C6orf163: variants seen among roughly 807,000 people sequenced by gnomAD.
The protein encoded by C6orf163 is uncharacterized protein C6orf163.
In C6orf163, 22 loss-of-function variants were observed where a neutral mutation model predicts 28.4. That is an observed-to-expected ratio of 0.78 (90% confidence interval 0.55 to 1.11). C6orf163 has a LOEUF of 1.11. Ranked by LOEUF, C6orf163 falls within the 50% of genes least tolerant of loss-of-function variation. C6orf163 has a pLI of 0.00. For missense variants in C6orf163, 342 were observed against 389.1 expected (o/e 0.88, Z 1.02); for synonymous variants, 110 against 123.6 (o/e 0.89, Z 0.73).
In C6orf163 at chr6:87,364,968, G is replaced by C. The variant is rs114836542; in HGVS notation, c.562G>C (p.Val188Leu). 3.9e-6 allele frequency: 6 copies of C among 1,539,806 alleles called. No individual in the cohort carries two copies. In the East Asian group the frequency reaches 1.5e-4, roughly 38 times the overall value. ...EAIQAQKSKAVEEIVNTGVTV... is the reference protein window; with the variant it reads ...EAIQAQKSKALEEIVNTGVTV... ...CCATATTATCTTTTGTAGCAAAGCCGTGGAGGAAATTGTGAATACTGGTGT... is the reference window on the plus strand; with the variant it reads ...CCATATTATCTTTTGTAGCAAAGCCCTGGAGGAAATTGTGAATACTGGTGT... The change falls in exon 5 of 5, where the codon GTG becomes CTG. Residue 188 changes from valine (V) to leucine (L), a missense_variant. By Grantham distance (32) the Val-to-Leu change is conservative (BLOSUM62 1). Coordinates refer to ENST00000388923, the MANE Select transcript of C6orf163 (RefSeq NM_001010868.3).
intron 1 of C6orf163, among the ~76,000 whole-genome samples, chr6:87,346,852 A>G (rs1455810773): frequency 2.0e-5 from 3 of 152,190 alleles, no homozygotes; most frequent in South Asian, 2.1e-4. Context: ...TTTAAGACTC[A>G]CAAGTTGCAA....
chr6:87,346,006 A>G (rs1777317426), intron 1 of C6orf163, among the ~76,000 whole-genome samples: 1 of 151,508 alleles, frequency 6.6e-6, no homozygotes, highest in Admixed American at 6.6e-5. Context: ...CTGGTAGCAT[A>G]AAAGTAGATA....
chr6:87,356,909 TC>T (rs1777511639), intron 4 of C6orf163: 1 of 171,268 alleles, frequency 5.8e-6, no homozygotes, highest in Non-Finnish European at 1.3e-5. Context: ...ATCATTAAAA[TC>T]AATCTTCACA....
At chr6:87,348,698 C>T in intron 1 of C6orf163, 114 bp from the exon 2 acceptor site, 1 of 1,447,080 alleles carries the variant, frequency 6.9e-7, no homozygotes, top group South Asian at 1.5e-5. Flanking sequence ...ATACTGGCAT[C>T]TCCTAAAAGG....
At chr6:87,348,525 T>C (rs1209571397) in intron 1 of C6orf163, 1 of 1,145,948 alleles carries the variant, frequency 8.7e-7, no homozygotes, top group African/African-American at 1.6e-5. Context: ...GTGTACAAAA[T>C]ATGTCCCTTT....
intron 2 of C6orf163, among the ~76,000 whole-genome samples, chr6:87,350,157 G>A (rs201541172): frequency 2.6e-5 from 4 of 152,184 alleles, no homozygotes; most frequent in Non-Finnish European, 5.9e-5. Context: ...TGCCTTTAGC[G>A]ATTCCAAAAA....
chr6:87,363,098 T>A lies in C6orf163; in HGVS notation c.555-1863T>A, dbSNP rs150985497. Among the ~76,000 whole-genome samples the A allele has an allele frequency of 1.3e-3, 194 of 152,312 alleles. 1 individual carries two copies. Among genetic ancestry groups the A allele is most frequent in the African/African-American group, 4.4e-3 (183 of 41,558 alleles). On this transcript the variant is annotated intron_variant, in intron 4 of 4. Coordinates refer to ENST00000388923, the MANE Select transcript of C6orf163 (RefSeq NM_001010868.3). ...ACAGTAATGGAACCACACTACAGAA[T>A]TGTTTTTGAGGATTCATTGAATTAA...
intron 4 of C6orf163, chr6:87,359,012 C>T (rs1485741058): frequency 6.6e-6 from 1 of 152,192 alleles, no homozygotes; most frequent in Non-Finnish European, 1.5e-5. Flanking sequence ...TTCACTTCAC[C>T]AGAGCTCATC....
In C6orf163 at chr6:87,356,333, T is replaced by C; in HGVS notation, c.384T>C (p.Tyr128=). The change falls in exon 4 of 5, where the codon TAT becomes TAC. Residue 128 remains tyrosine (Y), a synonymous_variant. Transcript: ENST00000388923. ...CAGCTAAAACTAAGACAGAGATGTA[T>C]CAAAACATGGATGACGAAATGAAGA... ...EVTAKTKTEM[Y]QNMDDEMKRE... is the part of the protein sequence containing the mutation. 1 of 1,551,656 alleles carries C rather than the reference T, an allele frequency of 6.4e-7. No individual in the cohort carries two copies. The highest frequency in any genetic ancestry group is 2.0e-5 in the Admixed American group (1 of 50,996).
At chr6:87,349,279 A>G (rs1777376317) in intron 2 of C6orf163, among the ~76,000 whole-genome samples, 1 of 152,204 alleles carries the variant, frequency 6.6e-6, no homozygotes, top group Non-Finnish European at 1.5e-5. Context: ...AAAATGTCTA[A>G]GAAAACTCCT....
intron 4 of C6orf163, among the ~76,000 whole-genome samples, chr6:87,361,568 C>T (rs1026212985): frequency 1.3e-5 from 2 of 152,210 alleles, no homozygotes; most frequent in African/African-American, 4.8e-5. Context: ...ACAGGGAGCA[C>T]AGCTTCCTCC....
rs1402239260 is a variant in C6orf163 at position 87,344,977 on chromosome 6, G to A, written c.-123G>A. ...ACCATTTAATCCTTACCAGCCTCTA[G>A]CATTATCCTAAAACCCTGAACCTCT... is the stretch of plus-strand genomic sequence containing the variant. On this transcript the variant is annotated 5_prime_UTR_variant, in exon 1 of 5. Transcript: ENST00000388923. 7 of 724,172 alleles carry A rather than the reference G, an allele frequency of 9.7e-6. No individual in the cohort carries two copies. The Admixed American group carries it at 2.1e-4, about 21-fold the overall frequency. The allele number at this position is 724,172 out of a possible 1,614,324, so 44.9% of individuals were successfully genotyped here. A position where few individuals can be genotyped will look rare whatever the true frequency, so the allele number is the denominator to read the frequency against.
intron 4 of C6orf163, among the ~76,000 whole-genome samples, chr6:87,361,770 T>C (rs1272881038): frequency 6.6e-6 from 1 of 152,206 alleles, no homozygotes; most frequent in East Asian, 1.9e-4. Flanking sequence ...TTTTGATTCC[T>C]CTTTTTCCCA....
Position 87,350,325 on chromosome 6 carries a change from C to T in C6orf163, c.244-69C>T, listed in dbSNP as rs939104343. 2.4e-5 allele frequency: 24 copies of T among 982,916 alleles called. No homozygotes were observed. In the African/African-American group the frequency reaches 2.5e-4, roughly 10 times the overall value. 60.9% of individuals were successfully genotyped at this position (982,916 alleles called of 1,614,324 possible). A position where few individuals can be genotyped will look rare whatever the true frequency, so the allele number is the denominator to read the frequency against. ...CTTGAAAACCTGATTTACCAACATC[C>T]TAAATAAGCCAAGTTTGCTTGTGCT... On this transcript the variant is annotated intron_variant, in intron 2 of 4. Transcript: ENST00000388923.
rs1777628486 is a variant in C6orf163 at position 87,365,217 on chromosome 6, A to G, written c.811A>G (p.Met271Val). ...GTCTATAGCAAAACAACTGGGAATCATGACAAATTGGAAAGATTTCCTAGA... is the reference window on the plus strand; with the variant it reads ...GTCTATAGCAAAACAACTGGGAATCGTGACAAATTGGAAAGATTTCCTAGA... Reference protein sequence around the residue: ...LLSIAKQLGIMTNWKDFLEEE... With the variant: ...LLSIAKQLGIVTNWKDFLEEE... The change falls in exon 5 of 5, where the codon ATG becomes GTG. Residue 271 changes from methionine (M) to valine (V), a missense_variant. Coordinates refer to ENST00000388923, the MANE Select transcript of C6orf163 (RefSeq NM_001010868.3). 3.2e-6 allele frequency: 5 copies of G among 1,551,796 alleles called. No homozygotes were observed. Among genetic ancestry groups the G allele is most frequent in the South Asian group, 1.2e-5 (1 of 84,064 alleles).
At chr6:87,355,755 T>A (rs907916568) in intron 3 of C6orf163, among the ~76,000 whole-genome samples, 6 of 152,178 alleles carry the variant, frequency 3.9e-5, no homozygotes. Context: ...TATATGTAGC[T>A]TCTGGGCCTC....
chr6:87,356,405 G>T lies in C6orf163; in HGVS notation c.456G>T (p.Arg152Ser), dbSNP rs879158325. ...AEQRMVHRIQRIMMECHREKV... is the reference protein window; with the variant it reads ...AEQRMVHRIQSIMMECHREKV... ...AGCGCATGGTCCACAGAATCCAAAG[G>T]ATTATGATGGAATGCCACAGAGAGA... The change falls in exon 4 of 5, where the codon AGG becomes AGT. Residue 152 changes from arginine to serine, a missense_variant. Transcript: ENST00000388923. 1 of 1,551,732 alleles carries T rather than the reference G, an allele frequency of 6.4e-7. No individual in the cohort carries two copies. The highest frequency in any genetic ancestry group is 8.7e-7 in the Non-Finnish European group (1 of 1,147,004).
chr6:87,345,387 G>T (rs1777307586), intron 1 of C6orf163, 140 bp downstream of exon 1: 1 of 756,098 alleles, frequency 1.3e-6, no homozygotes, highest in Non-Finnish European at 2.0e-6. Context: ...AATATGGGTT[G>T]GAATACAGCT....
intron 4 of C6orf163, among the ~76,000 whole-genome samples, chr6:87,360,368 G>A (rs1238806180): frequency 1.3e-5 from 2 of 150,470 alleles, no homozygotes; most frequent in Admixed American, 6.6e-5. Flanking sequence ...CAAATATTTC[G>A]CTTATGTTAA....
Sources: allele counts gnomAD v4.1 joint callset (sites outside exome capture counted in the v4.1 genomes callset), GRCh38; gene constraint gnomAD v4.1.1; transcripts MANE v1.5; gene names NCBI Gene and HGNC (gene_info 2026-07-23, HGNC 2026-07-21).